The following ATM variants were observed in gnomAD, a reference collection of about 807,000 sequenced individuals.
The protein encoded by ATM is ATM serine/threonine kinase, also known as serine-protein kinase ATM.
Under a neutral mutation model 387.0 loss-of-function variants are expected in ATM, and 308 were observed. The ratio of observed to expected loss-of-function variants is 0.80; its 90% CI spans 0.73 to 0.87. The LOEUF (loss-of-function observed/expected upper bound fraction) is 0.87. Ranked by LOEUF, ATM falls within the 40% of genes least tolerant of loss-of-function variation. ATM has a pLI of 0.00. For missense variants in ATM, 3,312 were observed against 3,560.9 expected (o/e 0.93, Z 1.78); for synonymous variants, 1,156 against 1,187.3 (o/e 0.97, Z 0.54).
chr11:108,306,881 CCT>C (rs1450674752), intron 37 of ATM, among the ~76,000 whole-genome samples: 2 of 152,148 alleles, frequency 1.3e-5, no homozygotes, highest in Non-Finnish European at 2.9e-5. Context: ...ACTCTAGAAA[CCT>C]CTCTCACGTA....
Position 108,282,861 on chromosome 11 carries a change from A to G in ATM, c.3728A>G (p.Asn1243Ser), listed in dbSNP as rs730881363. 6.0e-6 allele frequency: 9 copies of G among 1,501,006 alleles called. No individual in the cohort carries two copies. Among genetic ancestry groups the G allele is most frequent in the Non-Finnish European group, 8.3e-6 (9 of 1,081,260 alleles). 93.0% of individuals were successfully genotyped at this position (1,501,006 alleles called of 1,614,324 possible). Residue 1243 changes from asparagine (N) to serine (S), a missense_variant, in exon 25 of 63, where the codon AAT becomes AGT. Coordinates refer to ENST00000675843, the MANE Select transcript of ATM (RefSeq NM_000051.4). ...CCTTTTATTTTATTAAACTACACAA[A>G]TATTGAGGATTTCTATAGGTAAGTT... ...SFPFILLNYTNIEDFYRSCYK... is the reference protein window; with the variant it reads ...SFPFILLNYTSIEDFYRSCYK...
rs746103632 is a variant in ATM at position 108,294,966 on chromosome 11, C to G, written c.4816C>G (p.Leu1606Val). 1.2e-6 allele frequency: 2 copies of G among 1,613,840 alleles called. No individual in the cohort carries two copies. The highest frequency in any genetic ancestry group is 2.2e-5 in the South Asian group (2 of 91,080). ...HFLSVSVYDA[L>V]PLTRLEGLKD... ...TCTCTCAGTAAGTGTTTATGATGCA[C>G]TTCCATTGACAAGACTTGAAGGACT... The change falls in exon 32 of 63, where the codon CTT (leucine) becomes GTT (valine). Residue 1606 changes from leucine to valine, a missense_variant. Around this residue, in one of 4 missense-constraint regions of ATM, gnomAD observed 1,405 missense variants for 1,604.4 expected, o/e 0.88. Coordinates refer to ENST00000675843, the MANE Select transcript of ATM (RefSeq NM_000051.4).
chr11:108,274,836 A>C (rs1484674410), intron 22 of ATM, among the ~76,000 whole-genome samples: 2 of 152,126 alleles, frequency 1.3e-5, no homozygotes, highest in Non-Finnish European at 2.9e-5. Context: ...AAGAATGTAT[A>C]TTACTCTGTT....
chr11:108,243,763 G>A (rs1223428275), intron 5 of ATM, among the ~76,000 whole-genome samples, 190 bp from the exon 6 acceptor site: 1 of 152,092 alleles, frequency 6.6e-6, no homozygotes, highest in Non-Finnish European at 1.5e-5. Flanking sequence ...AGTTATTCCT[G>A]TCTTAAAGGC....
At position 108,302,843 on chromosome 11, in the gene ATM, T is replaced by C. The variant is rs864622731; in HGVS notation, c.5320-10T>C. ...CTCTTATTTACATTTTCTAATCCCT[T>C]TCTTTCTAGTTTTTAGAAGTACCCA... On this transcript the variant is annotated splice_polypyrimidine_tract_variant and intron_variant, in intron 35 of 62. Transcript: ENST00000675843. 5 of 1,605,200 alleles carry C rather than the reference T, an allele frequency of 3.1e-6. No homozygotes were observed. The highest frequency in any genetic ancestry group is 4.3e-6 in the Non-Finnish European group (5 of 1,172,554).
chr11:108,288,504 T>C (rs77033857), intron 27 of ATM, among the ~76,000 whole-genome samples: 20 of 134,944 alleles, frequency 1.5e-4, no homozygotes, highest in African/African-American at 6.0e-4. Context: ...TGCTTTACTT[T>C]TTTTTTTTTT....
chr11:108,357,506 A>G (rs1244813599), intron 61 of ATM, among the ~76,000 whole-genome samples: 3 of 152,330 alleles, frequency 2.0e-5, no homozygotes, highest in African/African-American at 7.2e-5. Context: ...ACAGACAAAC[A>G]AAAAGACAGC....
chr11:108,348,225 T>C (rs901043019), intron 59 of ATM, among the ~76,000 whole-genome samples: 2 of 151,574 alleles, frequency 1.3e-5, no homozygotes, highest in African/African-American at 2.4e-5. Flanking sequence ...CTTCTATGTA[T>C]ATATATAGAC....
chr11:108,255,763 A>G (rs1189572797), intron 13 of ATM, among the ~76,000 whole-genome samples: 1 of 152,178 alleles, frequency 6.6e-6, no homozygotes, highest in African/African-American at 2.4e-5. Flanking sequence ...AAAATGTTTT[A>G]TGCTATTCTG....
At chr11:108,311,110 G>T (rs1459154370) in intron 39 of ATM, among the ~76,000 whole-genome samples, 2 of 151,908 alleles carry the variant, frequency 1.3e-5, no homozygotes, top group African/African-American at 4.8e-5. Context: ...GGGACTATAG[G>T]CACACACCAC....
intron 24 of ATM, among the ~76,000 whole-genome samples, chr11:108,281,942 T>C (rs2082255747): frequency 6.6e-6 from 1 of 152,098 alleles, no homozygotes; most frequent in Non-Finnish European, 1.5e-5. Context: ...GATTTAAGCC[T>C]AAGAGAAATA....
intron 29 of ATM, 64 bp downstream of exon 29, chr11:108,289,865 CTTTGT>C (rs908565400): frequency 1.6e-5 from 24 of 1,515,778 alleles, no homozygotes; most frequent in East Asian, 2.3e-5. Context: ...TGTTTTTTTG[CTTTGT>C]TTTGTTTTGT....
chr11:108,340,790 T>C (rs2087458238), intron 56 of ATM, among the ~76,000 whole-genome samples: 1 of 152,172 alleles, frequency 6.6e-6, no homozygotes, highest in South Asian at 2.1e-4. Context: ...GTATGAAGCA[T>C]TTGCCTATAA....
chr11:108,291,174 T>TG (rs1377462058), intron 29 of ATM, among the ~76,000 whole-genome samples: 8 of 151,872 alleles, frequency 5.3e-5, no homozygotes. Context: ...AGGCAGATCT[T>TG]GCAGTGAGTC....
intron 5 of ATM, 109 bp from the exon 6 acceptor site, chr11:108,243,844 T>G: frequency 9.3e-7 from 1 of 1,070,900 alleles, no homozygotes. Context: ...AGTGCAGTTT[T>G]AAAATCCTTT....
At chr11:108,264,463 G>A (rs2135474931) in intron 16 of ATM, among the ~76,000 whole-genome samples, 1 of 152,280 alleles carries the variant, frequency 6.6e-6, no homozygotes, top group East Asian at 1.9e-4. Context: ...AATAAATTAG[G>A]TATTGATGGG....
rs1565427876 is a variant in ATM, at chr11:108,272,585, A to G, written c.3131A>G (p.Asn1044Ser). The change falls in exon 21 of 63, where the codon AAT becomes AGT. Residue 1044 changes from asparagine (N) to serine (S), a missense_variant. Asn to Ser is a conservative substitution (Grantham distance 46, BLOSUM62 1). Coordinates refer to ENST00000675843, the MANE Select transcript of ATM (RefSeq NM_000051.4). ...TTCTCTGTAAGAATGGCCCTAGTAA[A>G]TTGCCTTAAAACTTTGCTTGAGGTG... ...YIFSVRMALV[N>S]CLKTLLEADP... 1 of 1,613,842 alleles carries G rather than the reference A, an allele frequency of 6.2e-7. No homozygotes were observed. Among genetic ancestry groups the G allele is most frequent in the Non-Finnish European group, 8.5e-7 (1 of 1,179,792 alleles).
intron 4 of ATM, among the ~76,000 whole-genome samples, chr11:108,233,808 C>A (rs2079136645): frequency 6.6e-6 from 1 of 151,834 alleles, no homozygotes; most frequent in South Asian, 2.1e-4. Context: ...AATGGGGCCA[C>A]TGCACTCCAG....
At chr11:108,364,267 T>C (rs990096077) in intron 61 of ATM, among the ~76,000 whole-genome samples, 1 of 152,208 alleles carries the variant, frequency 6.6e-6, no homozygotes, top group African/African-American at 2.4e-5. Context: ...AATCATTCTT[T>C]ATATTGTCTC....
Sources: allele counts gnomAD v4.1 joint callset (sites outside exome capture counted in the v4.1 genomes callset), GRCh38; gene constraint gnomAD v4.1.1; regional missense constraint gnomAD v4.1.1; transcripts MANE v1.5; gene names NCBI Gene and HGNC (gene_info 2026-07-23, HGNC 2026-07-21).